SIM2: variants seen among roughly 807,000 people sequenced by gnomAD.
SIM2 encodes single-minded homolog 2.
A neutral mutation model predicts 64.8 loss-of-function variants in SIM2; 28 were observed. That is an observed-to-expected ratio of 0.43 (90% CI 0.32 to 0.59). The LOEUF is 0.59. Among genes scored for constraint, SIM2 ranks in the 20% least tolerant of loss-of-function variants. The probability of loss-of-function intolerance (pLI) is 0.07; values close to 1 mark genes in which losing one functional copy is unlikely to be tolerated. For synonymous variants in SIM2, 408 were observed against 391.1 expected (o/e 1.04, Z -0.51); for missense variants, 847 against 871.4 (o/e 0.97, Z 0.35).
intron 3 of SIM2, among the ~76,000 whole-genome samples, chr21:36,719,577 G>T (rs1267697625): frequency 1.3e-5 from 2 of 152,218 alleles, no homozygotes; most frequent in Non-Finnish European, 2.9e-5. Flanking sequence ...CCTGCTAAGG[G>T]TTCTCTTGGC....
intron 7 of SIM2, among the ~76,000 whole-genome samples, chr21:36,735,461 G>A (rs1003757615): frequency 5.9e-5 from 9 of 152,202 alleles, no homozygotes; most frequent in African/African-American, 2.2e-4. Flanking sequence ...GGTCCCTGTT[G>A]GCTGACAGGA....
chr21:36,700,753 C>A (rs1396745067), intron 1 of SIM2, among the ~76,000 whole-genome samples: 1 of 152,216 alleles, frequency 6.6e-6, no homozygotes, highest in Non-Finnish European at 1.5e-5. Flanking sequence ...GACCCGCCCC[C>A]GCCGTTGCTG....
chr21:36,700,547 A>G (rs2088476721), intron 1 of SIM2, among the ~76,000 whole-genome samples: 1 of 150,872 alleles, frequency 6.6e-6, no homozygotes, highest in Non-Finnish European at 1.5e-5. Context: ...TCTTTCTACG[A>G]TTCCCTTTAT....
chr21:36,699,932 A>G lies in SIM2; in HGVS notation c.175+11A>G, dbSNP rs1003022774. The G allele has an allele frequency of 1.9e-6, 3 of 1,588,832 alleles. No homozygotes were observed. The Admixed American group carries it at 5.2e-5, about 27-fold the overall frequency. On this transcript the variant is annotated intron_variant, in intron 1 of 10. Transcript: ENST00000290399. The surrounding 1 kb of genome is among the most constrained non-coding windows in gnomAD (Gnocchi z 5.6). ...CCGTCTTCCCCGAAGGTGAGGCCTC[A>G]GGTGGGCGGCCGGGGACGCTGGGGA...
chr21:36,745,584 T>C lies in SIM2; in HGVS notation c.1576+448T>C. 1 of 1,116,670 alleles carries C rather than the reference T, an allele frequency of 9.0e-7. No homozygotes were observed. Among genetic ancestry groups the C allele is most frequent in the Non-Finnish European group, 1.1e-6 (1 of 900,766 alleles). 69.2% of individuals were successfully genotyped at this position (1,116,670 alleles called of 1,614,324 possible). On this transcript the variant is annotated intron_variant, in intron 10 of 10. Transcript: ENST00000290399. The surrounding 1 kb of genome is among the most constrained non-coding windows in gnomAD (Gnocchi z 4.8). ...TGCCAGTTTTGGAAGTGGGGAAAACTATGGTGGAAATTTGTGGGCTTGGGG... is the reference window on the plus strand; with the variant it reads ...TGCCAGTTTTGGAAGTGGGGAAAACCATGGTGGAAATTTGTGGGCTTGGGG...
chr21:36,710,809 G>A (rs568828795), intron 2 of SIM2, among the ~76,000 whole-genome samples: 74 of 152,324 alleles, frequency 4.9e-4, no homozygotes, highest in South Asian at 1.4e-3. Flanking sequence ...CGCATGGTGT[G>A]GCCGCGGCGA....
In SIM2 at chr21:36,700,884, G is replaced by A. The variant is rs994065048; in HGVS notation, c.175+963G>A. 2.6e-5 allele frequency among the ~76,000 whole-genome samples: 4 copies of A among 152,284 alleles called. No individual in the cohort carries two copies. In the South Asian group the frequency reaches 8.3e-4, roughly 31 times the overall value. ...GTGGGCCAGGGGCGCTGGGACCCGC[G>A]GTGCGGAAGACTCGGAACAGGAAGA... On this transcript the variant is annotated intron_variant, in intron 1 of 10. Transcript: ENST00000290399.
rs939488040 is a variant in SIM2 at position 36,747,092 on chromosome 21, G to C, written c.1577-573G>C. Among the ~76,000 whole-genome samples, 4 of 138,654 alleles carry C rather than the reference G, an allele frequency of 2.9e-5. No homozygotes were observed. The highest frequency in any genetic ancestry group is 7.0e-5 in the Admixed American group (1 of 14,284). The allele number at this position is 138,654 out of a possible 152,430, so 91.0% of individuals were successfully genotyped here. A position where few individuals can be genotyped will look rare whatever the true frequency, so the allele number is the denominator to read the frequency against. On this transcript the variant is annotated intron_variant, in intron 10 of 10. Transcript: ENST00000290399. This position sits in a 1 kb window ranked among gnomAD's most constrained non-coding sequence, Gnocchi z 4.5. Reference sequence around the variant, plus strand: ...AGGGAGCTACTTAATGTCAGGCATCGGACTGAGTAGATGGGAGTGGTTATT... The same window carrying C: ...AGGGAGCTACTTAATGTCAGGCATCCGACTGAGTAGATGGGAGTGGTTATT...
rs1366880485 is a variant in SIM2 at position 36,748,039 on chromosome 21, G to A, written c.1951G>A (p.Ala651Thr). The change falls in exon 11 of 11, where the codon GCG becomes ACG. Residue 651 changes from alanine to threonine, a missense_variant. Ala to Thr is a moderately conservative substitution (Grantham distance 58). This residue lies in a region of SIM2 where 447 missense variants were observed against 414.6 expected (regional missense o/e 1.08). Transcript: ENST00000290399. Reference protein sequence around the residue: ...PSPAATSPPGAPLPHYLGASV... With the variant: ...PSPAATSPPGTPLPHYLGASV... Reference sequence around the variant, plus strand: ...CCCCGCCGCCACCTCCCCGCCCGGCGCGCCCCTGCCGCACTACCTGGGCGC... The same window carrying A: ...CCCCGCCGCCACCTCCCCGCCCGGCACGCCCCTGCCGCACTACCTGGGCGC... The A allele has an allele frequency of 2.5e-6, 3 of 1,195,508 alleles. No individual in the cohort carries two copies. The highest frequency in any genetic ancestry group is 1.6e-5 in the African/African-American group (1 of 62,792). The allele number at this position is 1,195,508 out of a possible 1,614,324, so 74.1% of individuals were successfully genotyped here.
chr21:36,701,179 C>G (rs2088489332), intron 1 of SIM2: 1 of 152,626 alleles, frequency 6.6e-6, no homozygotes, highest in Admixed American at 6.5e-5. Context: ...CCTCTGGAGC[C>G]CCGGGAGCCA....
intron 8 of SIM2, among the ~76,000 whole-genome samples, 164 bp from the exon 9 acceptor site, chr21:36,743,223 T>C (rs2089186490): frequency 1.3e-5 from 2 of 152,148 alleles, no homozygotes; most frequent in Non-Finnish European, 2.9e-5. Flanking sequence ...AGATGGCTTT[T>C]ATAATGAGGG....
intron 8 of SIM2, 42 bp from the exon 9 acceptor site, chr21:36,743,345 C>T: frequency 6.4e-7 from 1 of 1,573,760 alleles, no homozygotes; most frequent in Non-Finnish European, 8.6e-7. Context: ...GCTCGGCCTC[C>T]AGCGCCTGCT....
rs566710868 is a variant in SIM2 at position 36,715,764 on chromosome 21, A to C, written c.348+3142A>C. Among the ~76,000 whole-genome samples, 3 of 152,324 alleles carry C rather than the reference A, an allele frequency of 2.0e-5. No homozygotes were observed. In the East Asian group the frequency reaches 5.8e-4, roughly 29 times the overall value. On this transcript the variant is annotated intron_variant, in intron 3 of 10. Transcript: ENST00000290399. ...TTTTTGGTCTAACCTCTACTAAATG[A>C]CTATCCAAATTCTTTATTTGAGGGT...
chr21:36,731,079 C>T lies in SIM2; in HGVS notation c.778C>T (p.Leu260=), dbSNP rs755894692. ...GGTGACGGGGTACGAGCCGCAGGAC[C>T]TGATCGAGAAGACCCTATACCATCA... ...TEVTGYEPQD[L]IEKTLYHHVH... is the part of the protein sequence containing the mutation. Residue 260 remains leucine (L), a synonymous_variant, in exon 7 of 11, where the codon CTG becomes TTG. Coordinates refer to ENST00000290399, the MANE Select transcript of SIM2 (RefSeq NM_005069.6). The T allele has an allele frequency of 1.1e-5, 18 of 1,614,010 alleles. No homozygotes were observed. Among genetic ancestry groups the T allele is most frequent in the Non-Finnish European group, 1.5e-5 (18 of 1,180,026 alleles).
intron 2 of SIM2, chr21:36,709,584 T>C (rs2088646376): frequency 2.2e-6 from 1 of 454,290 alleles, no homozygotes; most frequent in African/African-American, 2.0e-5. Context: ...CACCCAGCGC[T>C]TGCTCTGTGC....
rs768000658 is a variant in SIM2 at position 36,741,649 on chromosome 21, T to A, written c.851-68T>A. 5.1e-6 allele frequency: 8 copies of A among 1,570,246 alleles called. 1 individual carries two copies. In the Admixed American group the frequency reaches 1.4e-4, roughly 27 times the overall value. ...GGTGTCCTTGGGACAGAGGTCACCG[T>A]TGGGGGCAGCATCCCAGAGGTGGGG... On this transcript the variant is annotated intron_variant, in intron 7 of 10. Coordinates refer to ENST00000290399, the MANE Select transcript of SIM2 (RefSeq NM_005069.6).
In SIM2 at chr21:36,719,910, G is replaced by A. The variant is rs774600810; in HGVS notation, c.438G>A (p.Leu146=). 8 of 1,608,338 alleles carry A rather than the reference G, an allele frequency of 5.0e-6. No individual in the cohort carries two copies. The Admixed American group carries it at 1.3e-4, about 27-fold the overall frequency. ...MTAVLTAHQP[L]HHHLLQEYEI... ...CTGTCCTCACGGCCCACCAGCCGCT[G>A]CACCACCACCTGCTCCAAGGTATTC... is the stretch of plus-strand genomic sequence containing the variant. The change falls in exon 4 of 11, where the codon CTG becomes CTA. Residue 146 remains leucine, a synonymous_variant. Coordinates refer to ENST00000290399, the MANE Select transcript of SIM2 (RefSeq NM_005069.6).
In SIM2 at chr21:36,706,904, G is replaced by T. The variant is rs1400169220; in HGVS notation, c.176-2264G>T. 2.0e-5 allele frequency among the ~76,000 whole-genome samples: 3 copies of T among 152,228 alleles called. No individual in the cohort carries two copies. In the South Asian group the frequency reaches 6.2e-4, roughly 31 times the overall value. ...GAGAACAAGTTATCTTGAACTGTGC[G>T]GGTATTTGAATCATACAGAAAATTG... is the stretch of plus-strand genomic sequence containing the variant. On this transcript the variant is annotated intron_variant, in intron 1 of 10. Coordinates refer to ENST00000290399, the MANE Select transcript of SIM2 (RefSeq NM_005069.6).
intron 7 of SIM2, among the ~76,000 whole-genome samples, chr21:36,737,680 G>A (rs569281610): frequency 3.9e-5 from 6 of 152,278 alleles, no homozygotes; most frequent in Admixed American, 2.6e-4. Flanking sequence ...GAGAACACAG[G>A]CCATGTGCAG....
Sources: gnomAD v4.1 joint callset for allele counts (sites outside exome capture counted in the v4.1 genomes callset) on GRCh38, gnomAD v4.1.1 for gene constraint, gnomAD v4.1.1 regional missense constraint, Gnocchi (gnomAD v3.1) non-coding constraint, MANE v1.5 for transcripts, NCBI Gene and HGNC (gene_info 2026-07-23, HGNC 2026-07-21) for gene names.